Variants in TTC28 observed in about 807,000 individuals in gnomAD.
TTC28 encodes the protein tetratricopeptide repeat domain 28, also known as tetratricopeptide repeat protein 28.
TTC28 carries 61 observed loss-of-function variants against 198.0 expected under a neutral mutation model. The observed-to-expected ratio is 0.31, with a 90% CI of 0.25 to 0.38. TTC28 has a LOEUF of 0.38. Ranked by LOEUF, TTC28 falls within the 10% of genes least tolerant of loss-of-function variation. The pLI is 1.00. For missense variants in TTC28, 2,678 were observed against 3,164.0 expected, an observed-to-expected ratio of 0.85 and a Z score of 3.69; for synonymous variants, 1,171 against 1,297.8, an observed-to-expected ratio of 0.90 and a Z score of 2.10.
At chr22:28,165,568 C>T (rs1273785979) in intron 5 of TTC28, among the ~76,000 whole-genome samples, 3 of 152,050 alleles carry the variant, frequency 2.0e-5, no homozygotes, top group African/African-American at 2.4e-5. Context: ...ATTTCATATC[C>T]AGCCAAACTA....
intron 2 of TTC28, among the ~76,000 whole-genome samples, chr22:28,534,756 T>C (rs934375353): frequency 6.6e-6 from 1 of 152,182 alleles, no homozygotes; most frequent in African/African-American, 2.4e-5. Context: ...GTTCATGTCC[T>C]TTGTAGGGAC....
At chr22:28,588,410 T>C (rs1461128208) in intron 2 of TTC28, among the ~76,000 whole-genome samples, 1 of 152,122 alleles carries the variant, frequency 6.6e-6, no homozygotes, top group Non-Finnish European at 1.5e-5. Flanking sequence ...ATGTAAATAA[T>C]CTGAACAAAT....
intron 2 of TTC28, among the ~76,000 whole-genome samples, chr22:28,334,294 T>C (rs1407773082): frequency 1.3e-5 from 2 of 152,086 alleles, no homozygotes; most frequent in Admixed American, 6.6e-5. Context: ...CTATTGTGAA[T>C]AGTGCCACAA....
chr22:28,294,722 C>T (rs923166575), intron 5 of TTC28, among the ~76,000 whole-genome samples: 1 of 152,240 alleles, frequency 6.6e-6, no homozygotes, highest in African/African-American at 2.4e-5. Flanking sequence ...GCACCCGCCA[C>T]CACACCCAGC....
At chr22:28,267,277 G>A (rs1480227398) in intron 5 of TTC28, among the ~76,000 whole-genome samples, 1 of 152,204 alleles carries the variant, frequency 6.6e-6, no homozygotes, top group African/African-American at 2.4e-5. Flanking sequence ...TGAGAAGAAA[G>A]AACAGTTGGA....
chr22:28,317,119 A>G (rs1217772456), intron 2 of TTC28, among the ~76,000 whole-genome samples: 2 of 151,832 alleles, frequency 1.3e-5, no homozygotes, highest in Non-Finnish European at 2.9e-5. Context: ...ATTCATTTTT[A>G]TATCTTTTAT....
intron 5 of TTC28, among the ~76,000 whole-genome samples, chr22:28,279,728 T>C (rs2044547031): frequency 6.6e-6 from 1 of 152,174 alleles, no homozygotes; most frequent in South Asian, 2.1e-4. Flanking sequence ...TATTAAGAGA[T>C]GAAACATTCC....
intron 5 of TTC28, among the ~76,000 whole-genome samples, chr22:28,224,923 C>T (rs1928174162): frequency 6.6e-6 from 1 of 152,190 alleles, no homozygotes; most frequent in Non-Finnish European, 1.5e-5. Context: ...AGATACATAA[C>T]TATCACTTAG....
At chr22:28,327,002 A>T (rs914706799) in intron 2 of TTC28, among the ~76,000 whole-genome samples, 6 of 151,818 alleles carry the variant, frequency 4.0e-5, no homozygotes, top group Non-Finnish European at 7.4e-5. Flanking sequence ...ACACACACAC[A>T]CACACACACA....
chr22:28,615,220 C>T (rs2050883870), intron 2 of TTC28, among the ~76,000 whole-genome samples: 1 of 152,170 alleles, frequency 6.6e-6, no homozygotes, highest in Admixed American at 6.5e-5. Flanking sequence ...CACTGGCCAT[C>T]AGAGAAATGC....
intron 13 of TTC28, among the ~76,000 whole-genome samples, chr22:28,017,937 G>A (rs1292753990): frequency 1.3e-5 from 2 of 152,176 alleles, no homozygotes; most frequent in Non-Finnish European, 2.9e-5. Context: ...AGTCTCAGCT[G>A]AGCACCCCCT....
At chr22:28,601,532 C>A (rs2146120106) in intron 2 of TTC28, among the ~76,000 whole-genome samples, 1 of 152,122 alleles carries the variant, frequency 6.6e-6, no homozygotes, top group South Asian at 2.1e-4. Flanking sequence ...TATAAGTAGT[C>A]TAGAGATGAT....
chr22:28,201,290 T>A (rs1307445383), intron 5 of TTC28, among the ~76,000 whole-genome samples: 1 of 152,164 alleles, frequency 6.6e-6, no homozygotes, highest in Non-Finnish European at 1.5e-5. Flanking sequence ...GCACTCTGTT[T>A]TCATTAAATG....
At chr22:28,231,318 G>A (rs1005949883) in intron 5 of TTC28, among the ~76,000 whole-genome samples, 8 of 152,176 alleles carry the variant, frequency 5.3e-5, no homozygotes, top group Admixed American at 2.6e-4. Context: ...TTAATACACA[G>A]AAACACAAAG....
At chr22:27,999,405 A>AT in intron 15 of TTC28, 145 bp from the exon 16 acceptor site, 1 of 1,220,954 alleles carries the variant, frequency 8.2e-7, no homozygotes, top group Non-Finnish European at 1.1e-6. Flanking sequence ...ATTCACTCTT[A>AT]TTTTTCAACA....
In TTC28 at chr22:28,430,126, T is replaced by G. The variant is rs150723936; in HGVS notation, c.382-123483A>C. Among the ~76,000 whole-genome samples, 87 of 149,252 alleles carry G rather than the reference T, an allele frequency of 5.8e-4. 1 individual carries two copies. In the South Asian group the frequency reaches 0.016, roughly 27 times the overall value. ...AATTAAGGGGTAATTTCAGATGTAG[T>G]GAAAAGCTGTAATGTCCATTCAAAG... On this transcript the variant is annotated intron_variant, in intron 2 of 22. Transcript: ENST00000397906.
At chr22:28,180,362 C>T (rs1923582958) in intron 5 of TTC28, among the ~76,000 whole-genome samples, 1 of 152,062 alleles carries the variant, frequency 6.6e-6, no homozygotes, top group Non-Finnish European at 1.5e-5. Context: ...AGACATTGGC[C>T]ATGATATCAC....
In TTC28 at chr22:28,107,297, T is replaced by A. The variant is rs1424535729; in HGVS notation, c.2548A>T (p.Met850Leu). The change falls in exon 7 of 23, where the codon ATG becomes TTG. Residue 850 changes from methionine to leucine, a missense_variant. Met to Leu is a conservative substitution (Grantham distance 15). Transcript: ENST00000397906. ...TCAAAGTAGCCAATGGCTTCTTCCA[T>A]CACATTCATGTTCATCTTTGTGATG... ...MGITKMNMNV[M>L]EEAIGYFEQQ... The A allele has an allele frequency of 6.4e-7, 1 of 1,551,844 alleles. No homozygotes were observed. The highest frequency in any genetic ancestry group is 8.7e-7 in the Non-Finnish European group (1 of 1,147,002).
chr22:28,589,412 C>A (rs977484886), intron 2 of TTC28, among the ~76,000 whole-genome samples: 9 of 152,186 alleles, frequency 5.9e-5, no homozygotes, highest in African/African-American at 2.2e-4. Context: ...CCCAAACAAG[C>A]CAGCATTAGC....
Sources: allele counts gnomAD v4.1 joint callset (sites outside exome capture counted in the v4.1 genomes callset), GRCh38; gene constraint gnomAD v4.1.1; transcripts MANE v1.5; gene names NCBI Gene and HGNC (gene_info 2026-07-23, HGNC 2026-07-21).